ADGRV1: variants seen among roughly 807,000 people sequenced by gnomAD.
ADGRV1 encodes the protein adhesion G protein-coupled receptor V1, also known as G-protein coupled receptor 98.
ADGRV1 carries 359 observed loss-of-function variants against 596.2 expected under a neutral mutation model. The ratio of observed to expected loss-of-function variants is 0.60; its 90% CI spans 0.55 to 0.66. The LOEUF is 0.66. Among genes scored for constraint, ADGRV1 ranks in the 30% least tolerant of loss-of-function variants. ADGRV1 has a pLI of 0.00. For synonymous variants in ADGRV1, 2,681 were observed against 2,679.2 expected, an observed-to-expected ratio of 1.00 and a Z score of -0.02; for missense variants, 7,274 against 7,575.6, an observed-to-expected ratio of 0.96 and a Z score of 1.48.
chr5:90,905,327 G>A (rs887182595), intron 83 of ADGRV1, among the ~76,000 whole-genome samples: 1 of 151,996 alleles, frequency 6.6e-6, no homozygotes, highest in Admixed American at 6.6e-5. Context: ...GCTTTGGGTA[G>A]TATGGACATT....
rs368397218 is a variant in ADGRV1, at chr5:91,153,349, C to T, written c.18753C>T (p.Ala6251=). 1.0e-4 allele frequency: 167 copies of T among 1,611,676 alleles called. No individual in the cohort carries two copies. The highest frequency in any genetic ancestry group is 1.3e-4 in the Non-Finnish European group (148 of 1,179,056). ...SGGYGQGSLI[A]DEESQEFDDL... is the part of the protein sequence containing the mutation. ...GATATGGCCAGGGGTCACTGATAGC[C>T]GATGAGGAGTCCCAGGAGTTTGATG... is the stretch of plus-strand genomic sequence containing the variant. Residue 6251 remains alanine (A), a synonymous_variant, in exon 89 of 90, where the codon GCC becomes GCT. Transcript: ENST00000405460.
intron 81 of ADGRV1, 23 bp downstream of exon 81, chr5:90,854,224 A>T (rs1383596522): frequency 6.6e-7 from 1 of 1,511,008 alleles, no homozygotes; most frequent in East Asian, 2.5e-5. Context: ...AAAATAAAAA[A>T]ATCAGAATTT....
chr5:90,860,297 A>G (rs756354594), intron 82 of ADGRV1, among the ~76,000 whole-genome samples: 10 of 151,478 alleles, frequency 6.6e-5, no homozygotes, highest in Non-Finnish European at 1.3e-4. Flanking sequence ...TTTTGTTCAT[A>G]CTAGAAATCT....
At chr5:90,683,453 G>A in intron 27 of ADGRV1, 133 bp from the exon 28 acceptor site, 1 of 690,846 alleles carries the variant, frequency 1.4e-6, no homozygotes. Context: ...ACCCCTGCCT[G>A]CAGCAGTCTT....
rs778908807 is a variant in ADGRV1, at chr5:90,783,953, A to G, written c.13549A>G (p.Ile4517Val). Residue 4517 changes from isoleucine to valine, a missense_variant, in exon 67 of 90, where the codon ATA becomes GTA. Ile to Val is a conservative substitution (Grantham distance 29, BLOSUM62 3). Coordinates refer to ENST00000405460, the MANE Select transcript of ADGRV1 (RefSeq NM_032119.4). ...IAKSDSPFGVIRFLNQSKISI... is the reference protein window; with the variant it reads ...IAKSDSPFGVVRFLNQSKISI... The stretch of plus-strand genomic sequence containing the variant: ...TAAGAGTGACTCTCCCTTTGGAGTT[A>G]TAAGGTTTCTCAATCAAAGCAAAAT... 5.6e-6 allele frequency: 9 copies of G among 1,612,318 alleles called. No homozygotes were observed. Among genetic ancestry groups the G allele is most frequent in the African/African-American group, 1.3e-5 (1 of 74,906 alleles).
chr5:90,838,924 T>C (rs987196109), intron 77 of ADGRV1, among the ~76,000 whole-genome samples: 22 of 152,206 alleles, frequency 1.4e-4, no homozygotes, highest in African/African-American at 5.1e-4. Flanking sequence ...AATATATTTC[T>C]AGTCTGAGTG....
chr5:90,800,921 C>T (rs745657441), intron 70 of ADGRV1, among the ~76,000 whole-genome samples: 40 of 151,356 alleles, frequency 2.6e-4, no homozygotes, highest in Non-Finnish European at 4.7e-4. Context: ...TGGGGCCTGT[C>T]GGGGTGGGCA....
At chr5:90,704,742 A>AT (rs1236185947) in intron 36 of ADGRV1, among the ~76,000 whole-genome samples, 6 of 152,118 alleles carry the variant, frequency 3.9e-5, no homozygotes, top group African/African-American at 1.2e-4. Flanking sequence ...CGAAGGTAGA[A>AT]TTTTTTTGAA....
At chr5:91,033,471 C>T (rs532364727) in intron 85 of ADGRV1, among the ~76,000 whole-genome samples, 2 of 152,260 alleles carry the variant, frequency 1.3e-5, no homozygotes, top group Non-Finnish European at 2.9e-5. Context: ...GTTTGCAGTT[C>T]AAGTTTCTGA....
At chr5:90,979,160 T>A (rs1410958129) in intron 84 of ADGRV1, among the ~76,000 whole-genome samples, 1 of 151,870 alleles carries the variant, frequency 6.6e-6, no homozygotes, top group Non-Finnish European at 1.5e-5. Context: ...AATATTTGTG[T>A]CAATTTCTTT....
At chr5:90,727,647 C>T (rs1019515189) in intron 48 of ADGRV1, among the ~76,000 whole-genome samples, 2 of 152,110 alleles carry the variant, frequency 1.3e-5, no homozygotes, top group African/African-American at 4.8e-5. Flanking sequence ...CCTGATTTGC[C>T]TTGGAAAGTA....
intron 85 of ADGRV1, among the ~76,000 whole-genome samples, chr5:91,003,179 A>G (rs1781984668): frequency 6.6e-6 from 1 of 152,190 alleles, no homozygotes; most frequent in Admixed American, 6.6e-5. Context: ...CTAGCATAAG[A>G]AAAGGTGGTA....
At position 90,829,179 on chromosome 5, in the gene ADGRV1, G is replaced by A. The variant is rs1483943223; in HGVS notation, c.16604G>A (p.Ser5535Asn). 2 of 1,517,806 alleles carry A rather than the reference G, an allele frequency of 1.3e-6. No homozygotes were observed. The highest frequency in any genetic ancestry group is 1.4e-5 in the South Asian group (1 of 72,274). 94.0% of individuals were successfully genotyped at this position (1,517,806 alleles called of 1,614,324 possible). A position where few individuals can be genotyped will look rare whatever the true frequency, so the allele number is the denominator to read the frequency against. Residue 5535 changes from serine to asparagine, a missense_variant, in exon 77 of 90, where the codon AGT (serine) becomes AAT (asparagine). Ser to Asn is a conservative substitution (Grantham distance 46, BLOSUM62 1). Transcript: ENST00000405460. ...GGACTAATGATGTCTGTTAACTTTA[G>A]TACCCAGGTAAGCATGGAATATATA... ...GTGLMMSVNFSTQELRSAETI... is the reference protein window; with the variant it reads ...GTGLMMSVNFNTQELRSAETI...
At chr5:90,572,392 TAAA>T (rs1326662276) in intron 1 of ADGRV1, among the ~76,000 whole-genome samples, 1 of 151,996 alleles carries the variant, frequency 6.6e-6, no homozygotes, top group South Asian at 2.1e-4. Context: ...TAAAATAAAA[TAAA>T]AAAGTTCTTC....
At chr5:90,957,643 T>C (rs967886806) in intron 83 of ADGRV1, among the ~76,000 whole-genome samples, 1 of 148,300 alleles carries the variant, frequency 6.7e-6, no homozygotes, top group Non-Finnish European at 1.5e-5. Flanking sequence ...TACATATATG[T>C]ATATATAAAT....
At position 90,815,631 on chromosome 5, in the gene ADGRV1, A is replaced by C. The variant is rs1762820899; in HGVS notation, c.16091A>C (p.His5364Pro). ...AMVIITGSDLHNGIIGFSEES... is the reference protein window; with the variant it reads ...AMVIITGSDLPNGIIGFSEES... ...TTCTTTTTTTCAGGGAGTGACCTTCACAATGGCATCATAGGATTCAGTGAG... is the reference window on the plus strand; with the variant it reads ...TTCTTTTTTTCAGGGAGTGACCTTCCCAATGGCATCATAGGATTCAGTGAG... The change falls in exon 75 of 90, where the codon CAC becomes CCC. Residue 5364 changes from histidine to proline, a missense_variant. Physicochemically the swap from His to Pro is moderately conservative, Grantham distance 77. Around this residue, in one of 5 missense-constraint regions of ADGRV1, gnomAD observed 1,874 missense variants for 1,970.2 expected, o/e 0.95. Coordinates refer to ENST00000405460, the MANE Select transcript of ADGRV1 (RefSeq NM_032119.4). 6.4e-7 allele frequency: 1 copy of C among 1,562,282 alleles called. No homozygotes were observed. The highest frequency in any genetic ancestry group is 1.4e-5 in the African/African-American group (1 of 73,784).
At chr5:90,766,852 G>A (rs1204561848) in intron 59 of ADGRV1, among the ~76,000 whole-genome samples, 3 of 152,130 alleles carry the variant, frequency 2.0e-5, no homozygotes, top group Non-Finnish European at 4.4e-5. Context: ...GATTTTTCTG[G>A]TTGCCTGTGT....
intron 78 of ADGRV1, among the ~76,000 whole-genome samples, chr5:90,842,942 A>G (rs1581289259): frequency 6.6e-6 from 1 of 152,198 alleles, no homozygotes; most frequent in East Asian, 1.9e-4. Flanking sequence ...TTTAATAATT[A>G]TAGAAATATA....
chr5:90,729,000 T>C lies in ADGRV1; in HGVS notation c.10426+67T>C, dbSNP rs562799402. The C allele has an allele frequency of 3.9e-5, 43 of 1,114,384 alleles. 1 individual carries two copies. In the South Asian group the frequency reaches 7.5e-4, roughly 20 times the overall value. 69.0% of individuals were successfully genotyped at this position (1,114,384 alleles called of 1,614,324 possible). A position where few individuals can be genotyped will look rare whatever the true frequency, so the allele number is the denominator to read the frequency against. On this transcript the variant is annotated intron_variant, in intron 49 of 89. Transcript: ENST00000405460. ...AATCATCTAGCATTCATATGGTATA[T>C]TTTATATGAAAATGCTCTTGCAATA... is the stretch of plus-strand genomic sequence containing the variant.
Sources: gnomAD v4.1 joint callset for allele counts (sites outside exome capture counted in the v4.1 genomes callset) on GRCh38, gnomAD v4.1.1 for gene constraint, gnomAD v4.1.1 regional missense constraint, MANE v1.5 for transcripts, NCBI Gene and HGNC (gene_info 2026-07-23, HGNC 2026-07-21) for gene names.